The following FHIP2A variants were observed in gnomAD, a reference collection of about 807,000 sequenced individuals.
FHIP2A encodes the protein family with sequence similarity 160 member B1.
In FHIP2A, 46 loss-of-function variants were observed where a neutral mutation model predicts 93.5. That is an observed-to-expected ratio of 0.49 (90% CI 0.39 to 0.63). The LOEUF (loss-of-function observed/expected upper bound fraction) is 0.63, where lower values mean the gene tolerates loss of function less well. Among genes scored for constraint, FHIP2A ranks in the 20% least tolerant of loss-of-function variants. The probability of loss-of-function intolerance (pLI) is 0.00; values close to 1 mark genes in which losing one functional copy is unlikely to be tolerated. For missense variants in FHIP2A, 769 were observed against 909.7 expected, an observed-to-expected ratio of 0.85 and a Z score of 1.99; for synonymous variants, 332 against 326.5, an observed-to-expected ratio of 1.02 and a Z score of -0.18.
chr10:114,888,353 G>C (rs573478950), intron 16 of FHIP2A, among the ~76,000 whole-genome samples: 1 of 152,138 alleles, frequency 6.6e-6, no homozygotes, highest in Non-Finnish European at 1.5e-5. Flanking sequence ...GGAGGGAGAC[G>C]GGAGGCTGCT....
chr10:114,875,742 AAGAAAGAAAG>A (rs1188706264), intron 16 of FHIP2A, among the ~76,000 whole-genome samples: 2 of 151,174 alleles, frequency 1.3e-5, no homozygotes, highest in African/African-American at 2.4e-5. Flanking sequence ...GAGAGAAAGA[AAGAAAGAAAG>A]AGAAAGAAAG....
intron 16 of FHIP2A, among the ~76,000 whole-genome samples, chr10:114,892,669 T>A (rs2083981748): frequency 1.3e-5 from 2 of 151,936 alleles, no homozygotes; most frequent in African/African-American, 4.8e-5. Context: ...ACAAAAATTT[T>A]AAATAATATA....
At chr10:114,873,915 T>A (rs1199689474) in intron 16 of FHIP2A, among the ~76,000 whole-genome samples, 2 of 151,624 alleles carry the variant, frequency 1.3e-5, no homozygotes, top group African/African-American at 4.8e-5. Context: ...CAGAGTCTTT[T>A]AAAACACTGA....
chr10:114,836,665 C>G (rs2083638561), intron 5 of FHIP2A, among the ~76,000 whole-genome samples: 1 of 152,168 alleles, frequency 6.6e-6, no homozygotes, highest in African/African-American at 2.4e-5. Flanking sequence ...TCTCTCCATC[C>G]TCATAGCAGT....
chr10:114,822,482 A>G (rs544645684), intron 1 of FHIP2A, among the ~76,000 whole-genome samples: 3 of 152,246 alleles, frequency 2.0e-5, no homozygotes, highest in African/African-American at 7.2e-5. Flanking sequence ...GCGGGGTCGC[A>G]GAGAGCTCCC....
chr10:114,855,888 A>T (rs1468870351), intron 14 of FHIP2A, among the ~76,000 whole-genome samples: 2 of 152,224 alleles, frequency 1.3e-5, no homozygotes, highest in Admixed American at 1.3e-4. Flanking sequence ...GTTGCTATGT[A>T]CATCTCATCT....
intron 2 of FHIP2A, 124 bp downstream of exon 2, chr10:114,831,054 ATCTTTG>A: frequency 1.7e-6 from 1 of 575,696 alleles, no homozygotes; most frequent in Non-Finnish European, 3.0e-6. Context: ...AGACAATCTT[ATCTTTG>A]TCTTTAAGAT....
At chr10:114,823,735 G>A (rs1222205427) in intron 1 of FHIP2A, among the ~76,000 whole-genome samples, 1 of 151,038 alleles carries the variant, frequency 6.6e-6, no homozygotes, top group Non-Finnish European at 1.5e-5. Context: ...CTGACCTCAA[G>A]TGATCGCCCG....
At position 114,862,257 on chromosome 10, in the gene FHIP2A, T is replaced by C. The variant is rs2083804777; in HGVS notation, c.*717T>C. 1 of 986,566 alleles carries C rather than the reference T, an allele frequency of 1.0e-6. No homozygotes were observed. Among genetic ancestry groups the C allele is most frequent in the African/African-American group, 1.7e-5 (1 of 57,414 alleles). The allele number at this position is 986,566 out of a possible 1,614,324, so 61.1% of individuals were successfully genotyped here. A position where few individuals can be genotyped will look rare whatever the true frequency, so the allele number is the denominator to read the frequency against. ...TGTGGGTCCCAGTTTATTTAAACTG[T>C]GTCGTTTTCGCAGCAGTGTTCAATT... is the stretch of plus-strand genomic sequence containing the variant. On this transcript the variant is annotated 3_prime_UTR_variant, in exon 17 of 17. Transcript: ENST00000369248.
chr10:114,879,980 T>C (rs759216912), intron 16 of FHIP2A, among the ~76,000 whole-genome samples: 1 of 152,228 alleles, frequency 6.6e-6, no homozygotes, highest in Non-Finnish European at 1.5e-5. Context: ...TCTTTACATA[T>C]GTATTCCACA....
chr10:114,844,689 C>G (rs897765304), intron 7 of FHIP2A, among the ~76,000 whole-genome samples: 2 of 152,158 alleles, frequency 1.3e-5, no homozygotes, highest in African/African-American at 4.8e-5. Context: ...AGCTGAGAAC[C>G]TCCATCTTTT....
intron 16 of FHIP2A, among the ~76,000 whole-genome samples, chr10:114,894,917 T>G (rs533294954): frequency 6.6e-6 from 1 of 152,330 alleles, no homozygotes; most frequent in Admixed American, 6.5e-5. Context: ...TTAATAAAAA[T>G]AGTGTCAAGG....
intron 14 of FHIP2A, 71 bp from the exon 15 acceptor site, chr10:114,860,678 T>C (rs1441012630): frequency 1.6e-6 from 2 of 1,265,900 alleles, no homozygotes; most frequent in Non-Finnish European, 2.3e-6. Context: ...AAAGAACAAA[T>C]TGAAATAGTA....
At chr10:114,834,525 C>T (rs1180440527) in intron 3 of FHIP2A, among the ~76,000 whole-genome samples, 1 of 152,090 alleles carries the variant, frequency 6.6e-6, no homozygotes, top group Non-Finnish European at 1.5e-5. Context: ...TTCCAGATAA[C>T]ATGTCTATGA....
chr10:114,830,316 A>T lies in FHIP2A; in HGVS notation c.46-536A>T, dbSNP rs58234105. 5.7e-4 allele frequency among the ~76,000 whole-genome samples: 78 copies of T among 135,816 alleles called. 1 individual carries two copies. The East Asian group carries it at 7.4e-3, about 13-fold the overall frequency. 89.1% of individuals were successfully genotyped at this position (135,816 alleles called of 152,430 possible). On this transcript the variant is annotated intron_variant, in intron 1 of 16. Transcript: ENST00000369248. ...GAGATAGAATCTCGTTCTGTCATCC[A>T]GGCTGGAGTGCAGTGGCGCAATCTT...
In FHIP2A at chr10:114,846,282, A is replaced by G. The variant is rs986031103; in HGVS notation, c.1313A>G (p.Gln438Arg). 6.2e-7 allele frequency: 1 copy of G among 1,614,070 alleles called. No individual in the cohort carries two copies. Among genetic ancestry groups the G allele is most frequent in the African/African-American group, 1.3e-5 (1 of 74,938 alleles). Residue 438 changes from glutamine (Q) to arginine (R), a missense_variant, in exon 10 of 17, where the codon CAG (glutamine) becomes CGG (arginine). By Grantham distance (43) the Gln-to-Arg change is conservative. Coordinates refer to ENST00000369248, the MANE Select transcript of FHIP2A (RefSeq NM_020940.4). ...QEMVFFILGE[Q>R]REPETLAEIS... ...ATGGTGTTTTTTATCCTTGGAGAAC[A>G]GAGGGAACCAGAAACTCTGGCAGAA...
At chr10:114,876,477 A>G (rs919439165) in intron 16 of FHIP2A, among the ~76,000 whole-genome samples, 1 of 152,182 alleles carries the variant, frequency 6.6e-6, no homozygotes, top group African/African-American at 2.4e-5. Flanking sequence ...TGGGGATGGT[A>G]CCAACTACCA....
chr10:114,863,046 G>T lies in FHIP2A; in HGVS notation c.*1506G>T. ...ATTTATTAAGAACAGAATATCAAAA[G>T]ATTATGAATAGCCTCAGCTCTAGAA... is the stretch of plus-strand genomic sequence containing the variant. On this transcript the variant is annotated 3_prime_UTR_variant, in exon 17 of 17. Coordinates refer to ENST00000369248, the MANE Select transcript of FHIP2A (RefSeq NM_020940.4). The T allele has an allele frequency of 1.0e-6, 1 of 984,990 alleles. No individual in the cohort carries two copies. Among genetic ancestry groups the T allele is most frequent in the Non-Finnish European group, 1.2e-6 (1 of 829,536 alleles). 61.0% of individuals were successfully genotyped at this position (984,990 alleles called of 1,614,324 possible). A position where few individuals can be genotyped will look rare whatever the true frequency, so the allele number is the denominator to read the frequency against.
At chr10:114,867,402 G>T (rs2083834946), downstream of FHIP2A, among the ~76,000 whole-genome samples, 1 of 152,054 alleles carries the variant, frequency 6.6e-6, no homozygotes, top group Admixed American at 6.6e-5. Flanking sequence ...TGTGATTTAT[G>T]ATCTCTTTCT....
Sources: allele counts gnomAD v4.1 joint callset (sites outside exome capture counted in the v4.1 genomes callset), GRCh38; gene constraint gnomAD v4.1.1; transcripts MANE v1.5; gene names NCBI Gene and HGNC (gene_info 2026-07-23, HGNC 2026-07-21).